CDH13: variants seen among roughly 807,000 people sequenced by gnomAD.
CDH13 encodes cadherin 13, also known as cadherin-13.
CDH13 carries 24 observed loss-of-function variants against 63.8 expected under a neutral mutation model. The observed-to-expected ratio is 0.38, with a 90% CI of 0.27 to 0.53. The LOEUF is 0.53. CDH13 is among the 20% of genes least tolerant of loss of function. CDH13 has a pLI of 0.85. For synonymous variants in CDH13, 503 were observed against 355.3 expected, an observed-to-expected ratio of 1.42 and a Z score of -4.67; for missense variants, 1,049 against 903.1, an observed-to-expected ratio of 1.16 and a Z score of -2.07.
intron 1 of CDH13, among the ~76,000 whole-genome samples, chr16:82,665,735 C>G (rs1054210785): frequency 2.6e-5 from 4 of 152,044 alleles, no homozygotes; most frequent in Non-Finnish European, 4.4e-5. Flanking sequence ...GCCAGCTCCT[C>G]TCTGAACTGA....
At chr16:82,652,734 C>G (rs1337680752) in intron 1 of CDH13, among the ~76,000 whole-genome samples, 2 of 140,044 alleles carry the variant, frequency 1.4e-5, no homozygotes, top group Non-Finnish European at 3.1e-5. Flanking sequence ...CTGGTTAAAA[C>G]CAATGACCTT....
intron 1 of CDH13, among the ~76,000 whole-genome samples, chr16:82,751,424 G>T (rs1230286583): frequency 6.6e-6 from 1 of 152,100 alleles, no homozygotes; most frequent in African/African-American, 2.4e-5. Context: ...ACTTCCCTGG[G>T]AGAGGTCTTT....
chr16:83,083,607 C>G (rs940218013), intron 3 of CDH13, among the ~76,000 whole-genome samples: 2 of 152,140 alleles, frequency 1.3e-5, no homozygotes, highest in African/African-American at 4.8e-5. Flanking sequence ...ATGCTGCCTT[C>G]CAATAACATG....
At chr16:82,816,465 G>C (rs1257296847) in intron 1 of CDH13, among the ~76,000 whole-genome samples, 1 of 152,120 alleles carries the variant, frequency 6.6e-6, no homozygotes, top group Admixed American at 6.5e-5. Flanking sequence ...AAATCAAGGA[G>C]GATAGAGTTG....
intron 2 of CDH13, among the ~76,000 whole-genome samples, chr16:82,955,266 ACT>A (rs561627589): frequency 2.0e-4 from 31 of 152,336 alleles, no homozygotes; most frequent in Non-Finnish European, 3.7e-4. Context: ...CCTGCCTTAC[ACT>A]GTTTGGCAAA....
intron 2 of CDH13, among the ~76,000 whole-genome samples, chr16:82,959,918 T>A (rs1906711648): frequency 6.6e-6 from 1 of 152,212 alleles, no homozygotes; most frequent in African/African-American, 2.4e-5. Flanking sequence ...CTGAGATGAA[T>A]TCGCCCAAAA....
intron 8 of CDH13, among the ~76,000 whole-genome samples, chr16:83,609,854 G>A (rs1055150241): frequency 1.2e-4 from 18 of 151,990 alleles, no homozygotes; most frequent in African/African-American, 4.4e-4. Context: ...AAAGAAACCC[G>A]AACCCATGAG....
chr16:83,413,733 A>G (rs1339983347), intron 6 of CDH13, among the ~76,000 whole-genome samples: 1 of 152,090 alleles, frequency 6.6e-6, no homozygotes, highest in Non-Finnish European at 1.5e-5. Flanking sequence ...CATGCCTGTA[A>G]TCTCAGCACT....
chr16:83,307,929 C>G (rs143123597), intron 5 of CDH13, among the ~76,000 whole-genome samples: 3 of 152,132 alleles, frequency 2.0e-5, no homozygotes, highest in Admixed American at 6.5e-5. Flanking sequence ...TTTCCATGCT[C>G]ATTCAAAATA....
At chr16:83,633,728 T>C (rs774965198) in intron 8 of CDH13, among the ~76,000 whole-genome samples, 7 of 152,218 alleles carry the variant, frequency 4.6e-5, no homozygotes, top group Non-Finnish European at 1.0e-4. Flanking sequence ...CCAAAATCAC[T>C]ATTTATTGCC....
chr16:83,672,206 T>C (rs1245223075), intron 9 of CDH13, among the ~76,000 whole-genome samples: 2 of 152,184 alleles, frequency 1.3e-5, no homozygotes, highest in Non-Finnish European at 2.9e-5. Flanking sequence ...TTGTAATCCA[T>C]TGAGTTGTTA....
chr16:83,258,934 G>C (rs1178027990), intron 5 of CDH13, among the ~76,000 whole-genome samples: 1 of 152,214 alleles, frequency 6.6e-6, no homozygotes, highest in Non-Finnish European at 1.5e-5. Flanking sequence ...TGAAGAGGGT[G>C]AGTGCTATTC....
In CDH13 at chr16:82,644,968, A is replaced by G. The variant is rs1909912989; in HGVS notation, c.45+17831A>G. Among the ~76,000 whole-genome samples the G allele has an allele frequency of 6.6e-6, 1 of 152,242 alleles. No homozygotes were observed. Among genetic ancestry groups the G allele is most frequent in the African/African-American group, 2.4e-5 (1 of 41,462 alleles). On this transcript the variant is annotated intron_variant, in intron 1 of 13. Transcript: ENST00000567109. The surrounding 1 kb of genome is among the most constrained non-coding windows in gnomAD (Gnocchi z 5.7). ...TAATATTTTGGAAAACTCTGGAGTT[A>G]GAGAAGTGGACCAGATTGGGTTTTG... is the stretch of plus-strand genomic sequence containing the variant.
intron 8 of CDH13, among the ~76,000 whole-genome samples, chr16:83,620,249 G>A (rs1449101872): frequency 6.6e-6 from 1 of 151,986 alleles, no homozygotes; most frequent in Non-Finnish European, 1.5e-5. Context: ...AAATTAGCCG[G>A]GCGTGGTGGC....
chr16:83,462,209 G>A (rs953688651), intron 6 of CDH13, among the ~76,000 whole-genome samples: 2 of 152,226 alleles, frequency 1.3e-5, no homozygotes, highest in African/African-American at 4.8e-5. Context: ...CCTGTGGTCT[G>A]TTCAGCAGGA....
chr16:82,784,100 T>TAA, intron 1 of CDH13, among the ~76,000 whole-genome samples: 1 of 152,094 alleles, frequency 6.6e-6, no homozygotes, highest in African/African-American at 2.4e-5. Flanking sequence ...CAAGTTGCAG[T>TAA]AAAAGAAATC....
rs141700843 is a variant in CDH13, at chr16:83,481,139, T to C, written c.782-5338T>C. ...GGTTCACCTGGTGACATCTGCCATC[T>C]CTGCTCATGTTTGCTTTAACATCAC... On this transcript the variant is annotated intron_variant, in intron 6 of 13. Coordinates refer to ENST00000567109, the MANE Select transcript of CDH13 (RefSeq NM_001257.5). Among the ~76,000 whole-genome samples the C allele has an allele frequency of 1.8e-3, 281 of 152,358 alleles. 1 individual carries two copies. The East Asian group carries it at 0.031, about 17-fold the overall frequency.
At chr16:82,983,031 C>G (rs1473819634) in intron 2 of CDH13, among the ~76,000 whole-genome samples, 2 of 152,166 alleles carry the variant, frequency 1.3e-5, no homozygotes, top group African/African-American at 4.8e-5. Context: ...ACCCCAGATG[C>G]TGTACTCTGA....
intron 7 of CDH13, among the ~76,000 whole-genome samples, chr16:83,569,987 G>A (rs879490312): frequency 6.6e-5 from 10 of 152,056 alleles, no homozygotes. Flanking sequence ...TTCCTGCCTT[G>A]GCCTCCCAAA....
Sources: allele counts gnomAD v4.1 joint callset (sites outside exome capture counted in the v4.1 genomes callset), GRCh38; gene constraint gnomAD v4.1.1; non-coding constraint Gnocchi (gnomAD v3.1); transcripts MANE v1.5; gene names NCBI Gene and HGNC (gene_info 2026-07-23, HGNC 2026-07-21).